The following GFI1 variants were observed in gnomAD, a reference collection of about 807,000 sequenced individuals.
GFI1 encodes zinc finger protein Gfi-1.
In GFI1, 15 loss-of-function variants were observed where a neutral mutation model predicts 39.2. The ratio of observed to expected loss-of-function variants is 0.38; its 90% CI spans 0.26 to 0.59. The LOEUF (loss-of-function observed/expected upper bound fraction) is 0.59. GFI1 is among the 20% of genes least tolerant of loss of function. GFI1 has a pLI of 0.62. For missense variants in GFI1, 475 were observed against 574.0 expected, an observed-to-expected ratio of 0.83 and a Z score of 1.76; for synonymous variants, 239 against 254.3, an observed-to-expected ratio of 0.94 and a Z score of 0.57.
rs1408043147 is a variant in GFI1 at position 92,474,096 on chromosome 1, A to T, written c.*1933T>A. 6.6e-6 allele frequency among the ~76,000 whole-genome samples: 1 copy of T among 152,194 alleles called. No homozygotes were observed. The highest frequency in any genetic ancestry group is 2.4e-5 in the African/African-American group (1 of 41,452). On this transcript the variant is annotated 3_prime_UTR_variant, in exon 7 of 7. Coordinates refer to ENST00000294702, the MANE Select transcript of GFI1 (RefSeq NM_005263.5). ...TTGGCCAGGATTTTATTCTGGTTTC[A>T]TTCTCTTAAAGGATTGACTTATGCA...
rs936881326 is a variant in GFI1 at position 92,480,565 on chromosome 1, G to T, written c.786+36C>A. 1.9e-6 allele frequency: 3 copies of T among 1,540,798 alleles called. No homozygotes were observed. Among genetic ancestry groups the T allele is most frequent in the Middle Eastern group, 1.7e-4 (1 of 5,946 alleles). On this transcript the variant is annotated intron_variant, in intron 4 of 6. Coordinates refer to ENST00000294702, the MANE Select transcript of GFI1 (RefSeq NM_005263.5). This position sits in a 1 kb window ranked among gnomAD's most constrained non-coding sequence, Gnocchi z 5.6. ...CGAGGCGCGGGTAGGGGAAGCGGGCGCACGGCAGGCGAGGTGGTGAGCTCG... is the reference window on the plus strand; with the variant it reads ...CGAGGCGCGGGTAGGGGAAGCGGGCTCACGGCAGGCGAGGTGGTGAGCTCG...
In GFI1 at chr1:92,481,351, A is replaced by C. The variant is rs1274978273; in HGVS notation, c.299-263T>G. 6.6e-6 allele frequency among the ~76,000 whole-genome samples: 1 copy of C among 152,240 alleles called. No individual in the cohort carries two copies. ...GAGGTCGTAAATTCTGTGCGAGTGC[A>C]GCGGAGGCGCTCGGCGTTCCGAGGA... is the stretch of plus-strand genomic sequence containing the variant. On this transcript the variant is annotated intron_variant, in intron 3 of 6. Coordinates refer to ENST00000294702, the MANE Select transcript of GFI1 (RefSeq NM_005263.5). This position sits in a 1 kb window ranked among gnomAD's most constrained non-coding sequence, Gnocchi z 4.3.
rs1198702997 is a variant in GFI1 at position 92,483,355 on chromosome 1, C to T, written c.115+18G>A. 3 of 1,424,830 alleles carry T rather than the reference C, an allele frequency of 2.1e-6. No individual in the cohort carries two copies. Among genetic ancestry groups the T allele is most frequent in the Non-Finnish European group, 2.9e-6 (3 of 1,022,950 alleles). 88.3% of individuals were successfully genotyped at this position (1,424,830 alleles called of 1,614,324 possible). On this transcript the variant is annotated intron_variant, in intron 2 of 6. Transcript: ENST00000294702. ...CATCCGGGGGAGCAGCCCCGCCTGG[C>T]CCGCGCGCGCCTCGCACCTGCTCGG...
intron 6 of GFI1, among the ~76,000 whole-genome samples, 199 bp downstream of exon 6, chr1:92,478,389 C>T (rs1391295067): frequency 6.6e-6 from 1 of 152,130 alleles, no homozygotes; most frequent in Admixed American, 6.5e-5. Context: ...CAGACACAAC[C>T]CCAAATCAAG....
rs888745575 is a variant in GFI1, at chr1:92,473,213, A to G, written c.*2816T>C. Reference sequence around the variant, plus strand: ...AAAAAAGGCATACAGTTAACATCAAAATTACAATTCCTCACTTAGAGCATA... The same window carrying G: ...AAAAAAGGCATACAGTTAACATCAAGATTACAATTCCTCACTTAGAGCATA... On this transcript the variant is annotated 3_prime_UTR_variant, in exon 7 of 7. Coordinates refer to ENST00000294702, the MANE Select transcript of GFI1 (RefSeq NM_005263.5). Among the ~76,000 whole-genome samples the G allele has an allele frequency of 5.3e-5, 8 of 152,118 alleles. No homozygotes were observed. Among genetic ancestry groups the G allele is most frequent in the Non-Finnish European group, 4.4e-5 (3 of 68,006 alleles).
At position 92,484,026 on chromosome 1, in the gene GFI1, C is replaced by G. The variant is rs1571221956; in HGVS notation, c.-99-440G>C. ...GGGACACGCGGATCGGTTTAGGGGC[C>G]GGGGATGCCCAGTGGTCGAGGACCC... On this transcript the variant is annotated intron_variant, in intron 1 of 6. Transcript: ENST00000294702. This position sits in a 1 kb window ranked among gnomAD's most constrained non-coding sequence, Gnocchi z 4.1. The G allele has an allele frequency of 4.9e-6, 1 of 202,290 alleles. No individual in the cohort carries two copies. Among genetic ancestry groups the G allele is most frequent in the African/African-American group, 2.3e-5 (1 of 42,906 alleles). The allele number at this position is 202,290 out of a possible 1,614,324, so 12.5% of individuals were successfully genotyped here. A position where few individuals can be genotyped will look rare whatever the true frequency, so the allele number is the denominator to read the frequency against.
At chr1:92,485,639 C>A (rs563559705) in intron 1 of GFI1, among the ~76,000 whole-genome samples, 159 of 152,286 alleles carry the variant, frequency 1.0e-3, no homozygotes, top group African/African-American at 3.7e-3. Context: ...GGAGGTGGGG[C>A]GGCCCCTCCG....
intron 1 of GFI1, among the ~76,000 whole-genome samples, chr1:92,486,405 C>T (rs910827440): frequency 6.6e-6 from 1 of 152,196 alleles, no homozygotes; most frequent in African/African-American, 2.4e-5. Context: ...TTCTTGGCTC[C>T]AGGGAGACTT....
intron 1 of GFI1, among the ~76,000 whole-genome samples, chr1:92,486,300 CCTCCCAGTTCT>C (rs755707160): frequency 1.4e-3 from 215 of 152,314 alleles, no homozygotes; most frequent in Admixed American, 2.7e-3. Flanking sequence ...CCTTAGTAGT[CCTCCCAGTTCT>C]CTCCCTGTGG....
At chr1:92,478,902 G>C in intron 5 of GFI1, 149 bp from the exon 6 acceptor site, 1 of 1,078,276 alleles carries the variant, frequency 9.3e-7, no homozygotes. Flanking sequence ...AGTCTCCTCT[G>C]TCGCCCAGGC....
chr1:92,482,932 C>T lies in GFI1; in HGVS notation c.230G>A (p.Gly77Asp). Reference sequence around the variant, plus strand: ...CTCCGAGCTCCGTTCGCAGACGCTGCCTTCGCAGCTGTCTGGGGATGCGGA... The same window carrying T: ...CTCCGAGCTCCGTTCGCAGACGCTGTCTTCGCAGCTGTCTGGGGATGCGGA... ...RASASPDSCE[G>D]SVCERSSEFE... The change falls in exon 3 of 7, where the codon GGC becomes GAC. Residue 77 changes from glycine to aspartate, a missense_variant. Around this residue, in one of 4 missense-constraint regions of GFI1, gnomAD observed 275 missense variants for 275.8 expected, o/e 1.00. Transcript: ENST00000294702. This position sits in a 1 kb window ranked among gnomAD's most constrained non-coding sequence, Gnocchi z 4.4. 1 of 1,614,004 alleles carries T rather than the reference C, an allele frequency of 6.2e-7. No homozygotes were observed. The highest frequency in any genetic ancestry group is 8.5e-7 in the Non-Finnish European group (1 of 1,179,964).
Position 92,481,351 on chromosome 1 carries a change from A to G in GFI1, c.299-263T>C, listed in dbSNP as rs1274978273. ...GAGGTCGTAAATTCTGTGCGAGTGC[A>G]GCGGAGGCGCTCGGCGTTCCGAGGA... On this transcript the variant is annotated intron_variant, in intron 3 of 6. Coordinates refer to ENST00000294702, the MANE Select transcript of GFI1 (RefSeq NM_005263.5). The surrounding 1 kb of genome is among the most constrained non-coding windows in gnomAD (Gnocchi z 4.3). Among the ~76,000 whole-genome samples, 1 of 152,240 alleles carries G rather than the reference A, an allele frequency of 6.6e-6. No individual in the cohort carries two copies. Among genetic ancestry groups the G allele is most frequent in the Middle Eastern group, 3.2e-3 (1 of 316 alleles).
In GFI1 at chr1:92,482,430, T is replaced by C. The variant is rs201998220; in HGVS notation, c.298+434A>G. On this transcript the variant is annotated intron_variant, in intron 3 of 6. Transcript: ENST00000294702. This position sits in a 1 kb window ranked among gnomAD's most constrained non-coding sequence, Gnocchi z 4.4. ...GGGCTGAGATTTTCGTCCTGCCCCC[T>C]CCCTGCCGCCCAGCGCCTAGCTCCT... Among the ~76,000 whole-genome samples the C allele has an allele frequency of 3.4e-5, 5 of 147,106 alleles. No homozygotes were observed. The East Asian group carries it at 1.0e-3, about 30-fold the overall frequency.
Position 92,474,192 on chromosome 1 carries a change from C to A in GFI1, c.*1837G>T, listed in dbSNP as rs1657853279. ...CATGGGCCTTTAGATTTGTGACTTG[C>A]ATTAGGGGAGGCAGCTAACCAATCT... On this transcript the variant is annotated 3_prime_UTR_variant, in exon 7 of 7. Coordinates refer to ENST00000294702, the MANE Select transcript of GFI1 (RefSeq NM_005263.5). 6.6e-6 allele frequency among the ~76,000 whole-genome samples: 1 copy of A among 152,212 alleles called. No individual in the cohort carries two copies. Among genetic ancestry groups the A allele is most frequent in the African/African-American group, 2.4e-5 (1 of 41,456 alleles).
chr1:92,478,759 G>GAGAGAA lies in GFI1; in HGVS notation c.925-7_925-6insTTCTCT, dbSNP rs766365921. ...TTACAGTCAAAGCTCCGTTCCTGCA[G>GAGAGAA]AGAGAGAGAGAGAGAGAGAGAGAGA... On this transcript the variant is annotated splice_polypyrimidine_tract_variant and splice_region_variant and intron_variant, in intron 5 of 6. Coordinates refer to ENST00000294702, the MANE Select transcript of GFI1 (RefSeq NM_005263.5). 75 of 620,406 alleles carry GAGAGAA rather than the reference G, an allele frequency of 1.2e-4. No individual in the cohort carries two copies. Among genetic ancestry groups the GAGAGAA allele is most frequent in the Non-Finnish European group, 1.7e-4 (69 of 417,702 alleles). 38.4% of individuals were successfully genotyped at this position (620,406 alleles called of 1,614,324 possible).
chr1:92,476,274 G>T (rs1657973182), intron 6 of GFI1, 67 bp from the exon 7 acceptor site: 2 of 1,430,788 alleles, frequency 1.4e-6, no homozygotes, highest in Non-Finnish European at 1.9e-6. Flanking sequence ...GACCCACTGT[G>T]ACCCACATGC....
chr1:92,479,018 A>G (rs1007395820), intron 5 of GFI1, among the ~76,000 whole-genome samples: 3 of 152,160 alleles, frequency 2.0e-5, no homozygotes, highest in Non-Finnish European at 1.5e-5. Flanking sequence ...GGCACACGCC[A>G]TCACACCTGA....
In GFI1 at chr1:92,475,516, G is replaced by A. The variant is rs556831021; in HGVS notation, c.*513C>T. On this transcript the variant is annotated 3_prime_UTR_variant, in exon 7 of 7. Coordinates refer to ENST00000294702, the MANE Select transcript of GFI1 (RefSeq NM_005263.5). ...TATAGGCAGCACCCAAAAGAAAGGAGTCAACAGACCCCCCAGAAGGAAAAA... is the reference window on the plus strand; with the variant it reads ...TATAGGCAGCACCCAAAAGAAAGGAATCAACAGACCCCCCAGAAGGAAAAA... The A allele has an allele frequency of 6.8e-4, 117 of 171,390 alleles. No homozygotes were observed. Among genetic ancestry groups the A allele is most frequent in the Non-Finnish European group, 1.3e-3 (105 of 78,576 alleles). The allele number at this position is 171,390 out of a possible 1,614,324, so 10.6% of individuals were successfully genotyped here. A position where few individuals can be genotyped will look rare whatever the true frequency, so the allele number is the denominator to read the frequency against.
In GFI1 at chr1:92,475,542, A is replaced by C. The variant is rs1178562484; in HGVS notation, c.*487T>G. 1.1e-5 allele frequency: 2 copies of C among 178,792 alleles called. No individual in the cohort carries two copies. Among genetic ancestry groups the C allele is most frequent in the African/African-American group, 2.4e-5 (1 of 41,994 alleles). The allele number at this position is 178,792 out of a possible 1,614,324, so 11.1% of individuals were successfully genotyped here. On this transcript the variant is annotated 3_prime_UTR_variant, in exon 7 of 7. Coordinates refer to ENST00000294702, the MANE Select transcript of GFI1 (RefSeq NM_005263.5). The stretch of plus-strand genomic sequence containing the variant: ...TCAACAGACCCCCCAGAAGGAAAAA[A>C]ATAAAAGTTAACACTCACTCTTCTT...
Sources: allele counts gnomAD v4.1 joint callset (sites outside exome capture counted in the v4.1 genomes callset), GRCh38; gene constraint gnomAD v4.1.1; regional missense constraint gnomAD v4.1.1; non-coding constraint Gnocchi (gnomAD v3.1); transcripts MANE v1.5; gene names NCBI Gene and HGNC (gene_info 2026-07-23, HGNC 2026-07-21).